CNTNAP2: variants seen among roughly 807,000 people sequenced by gnomAD.
The protein encoded by CNTNAP2 is contactin associated protein 2, also known as contactin-associated protein-like 2.
CNTNAP2 carries 98 observed loss-of-function variants against 155.2 expected under a neutral mutation model. That is an observed-to-expected ratio of 0.63 (90% CI 0.54 to 0.75). The LOEUF is 0.75. Among genes scored for constraint, CNTNAP2 ranks in the 30% least tolerant of loss-of-function variants. The pLI, the probability that CNTNAP2 is intolerant of heterozygous loss-of-function variation, is 0.00. For synonymous variants in CNTNAP2, 651 were observed against 631.2 expected, an observed-to-expected ratio of 1.03 and a Z score of -0.47; for missense variants, 1,727 against 1,688.1, an observed-to-expected ratio of 1.02 and a Z score of -0.40.
intron 15 of CNTNAP2, among the ~76,000 whole-genome samples, chr7:148,008,253 T>A (rs1000550432): frequency 2.0e-5 from 3 of 151,582 alleles, no homozygotes; most frequent in Admixed American, 1.3e-4. Context: ...TTGCCTGTAA[T>A]CCCAGCTACT....
intron 21 of CNTNAP2, among the ~76,000 whole-genome samples, chr7:148,284,240 G>T (rs1262843936): frequency 6.7e-6 from 1 of 149,234 alleles, no homozygotes; most frequent in Non-Finnish European, 1.5e-5. Context: ...TTGTGGGAGG[G>T]ACCCGATGGG....
At chr7:147,255,171 G>T (rs1804293405) in intron 8 of CNTNAP2, among the ~76,000 whole-genome samples, 1 of 151,956 alleles carries the variant, frequency 6.6e-6, no homozygotes, top group Admixed American at 6.6e-5. Flanking sequence ...TTACCTTTTT[G>T]GTTGTTTACC....
intron 8 of CNTNAP2, among the ~76,000 whole-genome samples, chr7:147,287,648 A>G (rs1222163331): frequency 1.3e-5 from 2 of 151,892 alleles, no homozygotes; most frequent in Non-Finnish European, 2.9e-5. Context: ...TCCAGACTAC[A>G]TTTTTTTCTT....
At chr7:147,616,892 A>G (rs1035188610) in intron 12 of CNTNAP2, among the ~76,000 whole-genome samples, 2 of 152,170 alleles carry the variant, frequency 1.3e-5, no homozygotes, top group Admixed American at 1.3e-4. Context: ...TGCATATTGA[A>G]GATGTTCTTG....
Position 147,044,006 on chromosome 7 carries a change from G to A in CNTNAP2, c.502G>A (p.Gly168Arg). 1 of 1,614,196 alleles carries A rather than the reference G, an allele frequency of 6.2e-7. No homozygotes were observed. The highest frequency in any genetic ancestry group is 8.5e-7 in the Non-Finnish European group (1 of 1,180,022). The change falls in exon 4 of 24, where the codon GGA becomes AGA. Residue 168 changes from glycine (G) to arginine (R), a missense_variant. Transcript: ENST00000361727. ...YVRIVPLDWN[G>R]EGRIGLRIEV... ...GCGCATAGTGCCTCTGGATTGGAATGGAGAAGGTCGCATTGGACTCAGAAT... is the reference window on the plus strand; with the variant it reads ...GCGCATAGTGCCTCTGGATTGGAATAGAGAAGGTCGCATTGGACTCAGAAT...
At chr7:146,994,669 C>T (rs376175222) in intron 3 of CNTNAP2, among the ~76,000 whole-genome samples, 1 of 152,020 alleles carries the variant, frequency 6.6e-6, no homozygotes, top group African/African-American at 2.4e-5. Flanking sequence ...ATTTCAAATA[C>T]TCAATTGTAA....
Position 147,237,049 on chromosome 7 carries a change from C to CTTTTTTTTTTT in CNTNAP2, c.1349-63066_1349-63056dup, listed in dbSNP as rs548220734. ...CCACTTCCTTTAGCCTTCACCTCCT[C>CTTTTTTTTTTT]TTTTTTTTTTTTTTTTTTTTTTTTT... On this transcript the variant is annotated intron_variant, in intron 8 of 23. Transcript: ENST00000361727. Among the ~76,000 whole-genome samples, 24 of 57,478 alleles carry CTTTTTTTTTTT rather than the reference C, an allele frequency of 4.2e-4. 4 individuals carry two copies. Among genetic ancestry groups the CTTTTTTTTTTT allele is most frequent in the Non-Finnish European group, 5.7e-4 (17 of 29,592 alleles). 37.7% of individuals were successfully genotyped at this position (57,478 alleles called of 152,430 possible). A position where few individuals can be genotyped will look rare whatever the true frequency, so the allele number is the denominator to read the frequency against.
intron 14 of CNTNAP2, among the ~76,000 whole-genome samples, chr7:147,942,359 C>T (rs2116816933): frequency 6.6e-6 from 1 of 152,282 alleles, no homozygotes; most frequent in Admixed American, 6.5e-5. Flanking sequence ...AGAAGTAAGC[C>T]TTTCATCCTA....
intron 1 of CNTNAP2, among the ~76,000 whole-genome samples, chr7:146,430,269 T>C (rs1466081483): frequency 6.6e-6 from 1 of 151,932 alleles, no homozygotes; most frequent in Non-Finnish European, 1.5e-5. Flanking sequence ...GGAAGTCTAC[T>C]AATAATGCAC....
intron 11 of CNTNAP2, among the ~76,000 whole-genome samples, chr7:147,514,631 AAAT>A (rs1383754931): frequency 2.0e-5 from 3 of 151,864 alleles, no homozygotes; most frequent in Admixed American, 6.6e-5. Flanking sequence ...TAAAAAAAAA[AAAT>A]AATAAGGTGT....
Position 147,515,321 on chromosome 7 carries a change from C to CTTTTTTTT in CNTNAP2, c.1777+29287_1777+29288insTTTTTTTT, listed in dbSNP as rs763147267. 2.1e-3 allele frequency among the ~76,000 whole-genome samples: 260 copies of CTTTTTTTT among 126,142 alleles called. 24 individuals carry two copies. Among genetic ancestry groups the CTTTTTTTT allele is most frequent in the African/African-American group, 6.2e-3 (222 of 35,584 alleles). The allele number at this position is 126,142 out of a possible 152,430, so 82.8% of individuals were successfully genotyped here. On this transcript the variant is annotated intron_variant, in intron 11 of 23. Transcript: ENST00000361727. Reference sequence around the variant, plus strand: ...ATTTTTCTTCATAGTTCATTATATTCTTTTTTTGTTTGTTTGTTTTGAGAC... The same window carrying CTTTTTTTT: ...ATTTTTCTTCATAGTTCATTATATTCTTTTTTTTTTTTTTTGTTTGTTTGTTTTGAGAC...
At chr7:146,217,336 C>T (rs958433501) in intron 1 of CNTNAP2, among the ~76,000 whole-genome samples, 2 of 152,174 alleles carry the variant, frequency 1.3e-5, no homozygotes, top group Admixed American at 1.3e-4. Flanking sequence ...ATCACATACT[C>T]TTTATGACAA....
chr7:147,476,515 C>T (rs942861488), intron 10 of CNTNAP2, among the ~76,000 whole-genome samples: 29 of 152,094 alleles, frequency 1.9e-4, no homozygotes, highest in African/African-American at 5.8e-4. Flanking sequence ...ATGTCTTTCT[C>T]GCTTCCTCTC....
intron 3 of CNTNAP2, among the ~76,000 whole-genome samples, chr7:146,948,128 G>A (rs1042946716): frequency 6.6e-6 from 1 of 152,100 alleles, no homozygotes; most frequent in African/African-American, 2.4e-5. Context: ...AAAAAGCCAA[G>A]CAGCTATTCT....
intron 13 of CNTNAP2, among the ~76,000 whole-genome samples, chr7:147,640,154 ATATG>A (rs1795249801): frequency 1.3e-5 from 2 of 151,208 alleles, no homozygotes; most frequent in African/African-American, 4.9e-5. Context: ...TTCGTGTACA[ATATG>A]ATATGATATA....
At chr7:147,787,948 CAG>C (rs965727133) in intron 13 of CNTNAP2, among the ~76,000 whole-genome samples, 1 of 152,156 alleles carries the variant, frequency 6.6e-6, no homozygotes, top group Non-Finnish European at 1.5e-5. Flanking sequence ...GGTTGAAAAG[CAG>C]AGTTACTTTT....
At chr7:147,190,560 T>A (rs1242536953) in intron 8 of CNTNAP2, among the ~76,000 whole-genome samples, 1 of 152,218 alleles carries the variant, frequency 6.6e-6, no homozygotes, top group Non-Finnish European at 1.5e-5. Context: ...ATAATTTCCA[T>A]AGCAGTGAAC....
At chr7:147,042,281 T>C (rs1799274335) in intron 3 of CNTNAP2, among the ~76,000 whole-genome samples, 1 of 152,230 alleles carries the variant, frequency 6.6e-6, no homozygotes, top group Admixed American at 6.5e-5. Flanking sequence ...TTAAAACATG[T>C]AATTGTCCAT....
chr7:146,704,497 C>T lies in CNTNAP2; in HGVS notation c.98-69774C>T, dbSNP rs996106201. Among the ~76,000 whole-genome samples the T allele has an allele frequency of 7.2e-5, 11 of 152,162 alleles. No individual in the cohort carries two copies. In the East Asian group the frequency reaches 1.4e-3, roughly 19 times the overall value. ...CTAAAGATGGGCCAAGTGACTCACG[C>T]GAAGTCAGGAAATAGTTAATGGCAA... On this transcript the variant is annotated intron_variant, in intron 1 of 23. Transcript: ENST00000361727.
Sources: gnomAD v4.1 joint callset for allele counts (sites outside exome capture counted in the v4.1 genomes callset) on GRCh38, gnomAD v4.1.1 for gene constraint, MANE v1.5 for transcripts, NCBI Gene and HGNC (gene_info 2026-07-23, HGNC 2026-07-21) for gene names.